The following CDKAL1 variants were observed in gnomAD, a reference collection of about 807,000 sequenced individuals.
CDKAL1 encodes the protein threonylcarbamoyladenosine tRNA methylthiotransferase.
CDKAL1 carries 32 observed loss-of-function variants against 68.2 expected under a neutral mutation model. That is an observed-to-expected ratio of 0.47 (90% CI 0.35 to 0.63). The LOEUF (loss-of-function observed/expected upper bound fraction) is 0.63, where lower values mean the gene tolerates loss of function less well. Ranked by LOEUF, CDKAL1 falls within the 30% of genes least tolerant of loss-of-function variation. CDKAL1 has a pLI of 0.00. For missense variants in CDKAL1, 606 were observed against 696.7 expected (o/e 0.87, Z 1.47); for synonymous variants, 234 against 244.3 (o/e 0.96, Z 0.39).
chr6:20,889,473 T>A (rs1484135003), intron 9 of CDKAL1, among the ~76,000 whole-genome samples: 2 of 152,092 alleles, frequency 1.3e-5, no homozygotes, highest in Non-Finnish European at 2.9e-5. Flanking sequence ...TGGTATTGCC[T>A]AGGTTTTCTT....
chr6:20,675,327 C>CT (rs1023943691), intron 5 of CDKAL1, among the ~76,000 whole-genome samples: 1 of 152,152 alleles, frequency 6.6e-6, no homozygotes, highest in Middle Eastern at 3.4e-3. Context: ...GGTCCTTTTG[C>CT]TTTTTTGTGG....
chr6:21,183,463 A>G (rs772000272), intron 13 of CDKAL1, among the ~76,000 whole-genome samples: 31 of 152,146 alleles, frequency 2.0e-4, no homozygotes, highest in Non-Finnish European at 2.9e-4. Flanking sequence ...CTAGTCACAT[A>G]TCCGTACAGT....
chr6:21,067,583 C>G (rs557458582), intron 12 of CDKAL1, among the ~76,000 whole-genome samples: 1 of 152,278 alleles, frequency 6.6e-6, no homozygotes, highest in South Asian at 2.1e-4. Flanking sequence ...CTGCAGCACT[C>G]CAGCCTGGGC....
intron 13 of CDKAL1, among the ~76,000 whole-genome samples, chr6:21,190,027 C>T (rs1778170697): frequency 6.6e-6 from 1 of 151,916 alleles, no homozygotes; most frequent in Non-Finnish European, 1.5e-5. Context: ...AGTAATTAGT[C>T]TAAAGGTGTA....
intron 4 of CDKAL1, among the ~76,000 whole-genome samples, chr6:20,571,263 A>G (rs1764689082): frequency 1.3e-5 from 2 of 152,192 alleles, no homozygotes; most frequent in Admixed American, 1.3e-4. Context: ...GTTTATTCAT[A>G]TATAAAATAA....
intron 5 of CDKAL1, among the ~76,000 whole-genome samples, chr6:20,715,420 ATGTAT>A (rs1428809703): frequency 2.6e-5 from 4 of 152,178 alleles, no homozygotes; most frequent in Non-Finnish European, 5.9e-5. Flanking sequence ...AGTCTGTTGT[ATGTAT>A]TCACCACATT....
intron 13 of CDKAL1, among the ~76,000 whole-genome samples, chr6:21,115,214 A>G (rs971284253): frequency 2.0e-5 from 3 of 152,226 alleles, no homozygotes. Flanking sequence ...CACTTCACCC[A>G]GCTCTTTATG....
chr6:20,569,589 T>C (rs1284427458), intron 4 of CDKAL1, among the ~76,000 whole-genome samples: 1 of 152,210 alleles, frequency 6.6e-6, no homozygotes, highest in African/African-American at 2.4e-5. Context: ...GCCACCATAA[T>C]GCTTAATTCA....
chr6:20,865,631 T>TG (rs35647500), intron 9 of CDKAL1, among the ~76,000 whole-genome samples: 1 of 150,670 alleles, frequency 6.6e-6, no homozygotes, highest in Non-Finnish European at 1.5e-5. Flanking sequence ...GCTGAAATTG[T>TG]AAAAAAAAAA....
chr6:20,977,155 T>G (rs1468021665), intron 10 of CDKAL1, among the ~76,000 whole-genome samples: 1 of 152,226 alleles, frequency 6.6e-6, no homozygotes, highest in African/African-American at 2.4e-5. Context: ...CTAGTGTAAT[T>G]AATATCCCTC....
At chr6:21,108,354 CAATT>C in intron 12 of CDKAL1, 43 bp from the exon 13 acceptor site, 2 of 1,307,012 alleles carry the variant, frequency 1.5e-6, no homozygotes, top group Non-Finnish European at 2.2e-6. Flanking sequence ...GCTGTCAACT[CAATT>C]GTTTGTATGT....
At chr6:20,543,861 C>T (rs1763483242) in intron 2 of CDKAL1, among the ~76,000 whole-genome samples, 1 of 151,480 alleles carries the variant, frequency 6.6e-6, no homozygotes, top group Admixed American at 6.6e-5. Flanking sequence ...CTCAGCCTCC[C>T]AAGTAGCTGG....
intron 11 of CDKAL1, among the ~76,000 whole-genome samples, chr6:21,030,658 C>G (rs1317625312): frequency 6.6e-6 from 1 of 152,132 alleles, no homozygotes; most frequent in East Asian, 1.9e-4. Context: ...AATTTTCCAT[C>G]AAATCTCTTC....
rs1358245411 is a variant in CDKAL1 at position 20,762,411 on chromosome 6, CT to C, written c.517+3771del. Among the ~76,000 whole-genome samples, 7 of 152,276 alleles carry C rather than the reference CT, an allele frequency of 4.6e-5. No homozygotes were observed. In the South Asian group the frequency reaches 1.5e-3, roughly 32 times the overall value. On this transcript the variant is annotated intron_variant, in intron 7 of 15. Coordinates refer to ENST00000274695, the MANE Select transcript of CDKAL1 (RefSeq NM_017774.3). ...CAGATGGAAGGAATAATTTTGATAG[CT>C]TTCCTTAGTTTGCAGATCAGGAAGC...
At chr6:20,815,309 A>G (rs1423640295) in intron 8 of CDKAL1, among the ~76,000 whole-genome samples, 3 of 152,136 alleles carry the variant, frequency 2.0e-5, no homozygotes. Flanking sequence ...AGTAGTTTAT[A>G]TAGTACTTGT....
intron 13 of CDKAL1, among the ~76,000 whole-genome samples, chr6:21,180,982 G>C (rs950113715): frequency 2.0e-5 from 3 of 152,236 alleles, no homozygotes; most frequent in Middle Eastern, 3.4e-3. Flanking sequence ...CCAAGAGCCT[G>C]GCAGCAGCAT....
intron 3 of CDKAL1, among the ~76,000 whole-genome samples, chr6:20,547,185 A>G (rs1309051873): frequency 6.6e-6 from 1 of 151,368 alleles, no homozygotes; most frequent in Non-Finnish European, 1.5e-5. Flanking sequence ...AAGAAACTCA[A>G]CCTGTATGTA....
At chr6:20,671,634 G>T (rs890068769) in intron 5 of CDKAL1, among the ~76,000 whole-genome samples, 2 of 152,128 alleles carry the variant, frequency 1.3e-5, no homozygotes, top group African/African-American at 4.8e-5. Flanking sequence ...TCTACGGTGT[G>T]AAGTATGAAT....
rs559035516 is a variant in CDKAL1 at position 20,687,786 on chromosome 6, A to G, written c.371+38409A>G. Among the ~76,000 whole-genome samples, 178 of 152,216 alleles carry G rather than the reference A, an allele frequency of 1.2e-3. 1 individual carries two copies. Among genetic ancestry groups the G allele is most frequent in the African/African-American group, 4.1e-3 (169 of 41,542 alleles). On this transcript the variant is annotated intron_variant, in intron 5 of 15. Coordinates refer to ENST00000274695, the MANE Select transcript of CDKAL1 (RefSeq NM_017774.3). Reference sequence around the variant, plus strand: ...AGTGATCTGTCTGCCTCTGCCTACCATAGTGCTAGGATTATAGGCATGAGC... The same window carrying G: ...AGTGATCTGTCTGCCTCTGCCTACCGTAGTGCTAGGATTATAGGCATGAGC...
Sources: gnomAD v4.1 joint callset for allele counts (sites outside exome capture counted in the v4.1 genomes callset) on GRCh38, gnomAD v4.1.1 for gene constraint, MANE v1.5 for transcripts, NCBI Gene and HGNC (gene_info 2026-07-23, HGNC 2026-07-21) for gene names.